The following NAALADL2 variants were observed in gnomAD, a reference collection of about 807,000 sequenced individuals.
NAALADL2 encodes the protein inactive N-acetylated-alpha-linked acidic dipeptidase-like protein 2.
NAALADL2 carries 76 observed loss-of-function variants against 87.2 expected under a neutral mutation model. The ratio of observed to expected loss-of-function variants is 0.87; its 90% CI spans 0.72 to 1.05. The LOEUF (loss-of-function observed/expected upper bound fraction) is 1.05, where lower values mean the gene tolerates loss of function less well. NAALADL2 is among the 50% of genes least tolerant of loss of function. NAALADL2 has a pLI of 0.00. For synonymous variants in NAALADL2, 354 were observed against 331.0 expected (o/e 1.07, Z -0.75); for missense variants, 1,089 against 945.8 (o/e 1.15, Z -1.99).
At chr3:174,536,329 A>G (rs186478379) in intron 1 of NAALADL2, among the ~76,000 whole-genome samples, 14 of 152,140 alleles carry the variant, frequency 9.2e-5, no homozygotes, top group Admixed American at 7.9e-4. Context: ...TTTTTCATAG[A>G]GATAACATTT....
intron 3 of NAALADL2, among the ~76,000 whole-genome samples, chr3:174,833,228 A>C (rs1375133871): frequency 6.6e-6 from 1 of 152,238 alleles, no homozygotes; most frequent in African/African-American, 2.4e-5. Flanking sequence ...AAAATGAGAA[A>C]TGTCAAGGTC....
At chr3:174,884,286 C>T (rs540083892) in intron 1 of NAALADL2, among the ~76,000 whole-genome samples, 35 of 152,208 alleles carry the variant, frequency 2.3e-4, no homozygotes, top group African/African-American at 4.8e-4. Context: ...ATATGTTGGA[C>T]GCTGATTCAG....
intron 9 of NAALADL2, among the ~76,000 whole-genome samples, chr3:175,570,192 G>C (rs187159005): frequency 1.3e-4 from 20 of 152,306 alleles, no homozygotes; most frequent in Admixed American, 4.6e-4. Flanking sequence ...AAGGCAGTCA[G>C]ACAGAAGGAG....
intron 1 of NAALADL2, among the ~76,000 whole-genome samples, chr3:175,018,843 A>G (rs1751197094): frequency 6.6e-6 from 1 of 151,936 alleles, no homozygotes; most frequent in Non-Finnish European, 1.5e-5. Flanking sequence ...ATCTATTGGT[A>G]TAGTTAGCTT....
At chr3:175,652,984 T>C (rs1345926022) in intron 11 of NAALADL2, among the ~76,000 whole-genome samples, 1 of 152,112 alleles carries the variant, frequency 6.6e-6, no homozygotes, top group Non-Finnish European at 1.5e-5. Flanking sequence ...ACACATATTT[T>C]GTATGTTATA....
chr3:174,875,529 C>T (rs1394458079), intron 1 of NAALADL2, among the ~76,000 whole-genome samples: 6 of 152,104 alleles, frequency 3.9e-5, no homozygotes, highest in Non-Finnish European at 7.4e-5. Flanking sequence ...AATCAGTAAT[C>T]TCAACAGCAT....
chr3:174,714,561 C>T (rs1365918430), intron 2 of NAALADL2, among the ~76,000 whole-genome samples: 1 of 152,102 alleles, frequency 6.6e-6, no homozygotes, highest in Non-Finnish European at 1.5e-5. Flanking sequence ...CTCTTTGAAG[C>T]AGTTGTGAAT....
chr3:175,508,253 A>G (rs1305834325), intron 9 of NAALADL2, among the ~76,000 whole-genome samples: 1 of 152,184 alleles, frequency 6.6e-6, no homozygotes, highest in Non-Finnish European at 1.5e-5. Context: ...AACAGTGGGG[A>G]TGATAATTCA....
intron 1 of NAALADL2, among the ~76,000 whole-genome samples, chr3:174,473,421 A>G (rs533808439): frequency 6.6e-6 from 1 of 152,280 alleles, no homozygotes; most frequent in East Asian, 1.9e-4. Context: ...TCTGGCTAAT[A>G]ATAGGAATCA....
At chr3:174,802,589 C>T (rs1171746542) in intron 3 of NAALADL2, among the ~76,000 whole-genome samples, 1 of 152,200 alleles carries the variant, frequency 6.6e-6, no homozygotes, top group Non-Finnish European at 1.5e-5. Flanking sequence ...ACCATCAATT[C>T]GTCATTGACG....
chr3:174,523,575 A>G (rs2108419489), intron 1 of NAALADL2: 1 of 152,302 alleles, frequency 6.6e-6, no homozygotes, highest in Non-Finnish European at 1.5e-5. Context: ...TTTAAATTTG[A>G]AAACAGAACC....
At chr3:175,434,799 C>G (rs530464211) in intron 5 of NAALADL2, among the ~76,000 whole-genome samples, 1 of 152,086 alleles carries the variant, frequency 6.6e-6, no homozygotes, top group African/African-American at 2.4e-5. Flanking sequence ...AAGCAGTTTA[C>G]TTAGCTTATA....
In NAALADL2 at chr3:175,250,067, G is replaced by A. The variant is rs569189777; in HGVS notation, c.820-6344G>A. 1.2e-4 allele frequency among the ~76,000 whole-genome samples: 18 copies of A among 152,032 alleles called. No homozygotes were observed. The South Asian group carries it at 3.7e-3, about 32-fold the overall frequency. On this transcript the variant is annotated intron_variant, in intron 3 of 13. Transcript: ENST00000454872. Reference sequence around the variant, plus strand: ...GCCTGTAATCCCAGCTACTCAGGAAGGCTGAGGCAGGAGAATCGCTTGAAC... The same window carrying A: ...GCCTGTAATCCCAGCTACTCAGGAAAGCTGAGGCAGGAGAATCGCTTGAAC...
chr3:174,522,953 A>G (rs867675458), intron 1 of NAALADL2, among the ~76,000 whole-genome samples: 10,736 of 148,730 alleles, frequency 0.072, 491 homozygotes, highest in South Asian at 0.12. Flanking sequence ...AAAAAAAAAA[A>G]AAAAGAAAAA....
chr3:174,867,606 A>G lies in NAALADL2; in HGVS notation c.43+8156A>G, dbSNP rs113547876. ...TTTTCTCAAGTTTAATATGCTCAGA[A>G]AAAAAGCATAAAATGCACAGTCTTA... is the stretch of plus-strand genomic sequence containing the variant. On this transcript the variant is annotated intron_variant, in intron 1 of 13. Transcript: ENST00000454872. Among the ~76,000 whole-genome samples the G allele has an allele frequency of 9.1e-3, 1,381 of 152,124 alleles. 19 individuals are homozygous for G. The highest frequency in any genetic ancestry group is 0.031 in the African/African-American group (1,304 of 41,538).
At chr3:175,239,643 T>A (rs767558169) in intron 3 of NAALADL2, among the ~76,000 whole-genome samples, 3 of 152,208 alleles carry the variant, frequency 2.0e-5, no homozygotes, top group Non-Finnish European at 4.4e-5. Context: ...TGCAGTTTTA[T>A]GGAGAAACTT....
intron 9 of NAALADL2, among the ~76,000 whole-genome samples, chr3:175,553,931 G>T (rs1714852841): frequency 6.6e-6 from 1 of 152,056 alleles, no homozygotes; most frequent in Admixed American, 6.6e-5. Context: ...GGAGTCAGGT[G>T]ATATACAGGG....
intron 3 of NAALADL2, among the ~76,000 whole-genome samples, chr3:174,746,302 C>G (rs74613021): frequency 1.3e-5 from 2 of 152,032 alleles, no homozygotes; most frequent in East Asian, 3.9e-4. Context: ...AAGCAAAGAG[C>G]CAAATCATGA....
chr3:175,661,492 C>G (rs1195829580), intron 11 of NAALADL2, among the ~76,000 whole-genome samples: 1 of 151,850 alleles, frequency 6.6e-6, no homozygotes, highest in East Asian at 1.9e-4. Flanking sequence ...CTTTGCTGTG[C>G]TGAAGCTTTT....
Sources: gnomAD v4.1 joint callset for allele counts (sites outside exome capture counted in the v4.1 genomes callset) on GRCh38, gnomAD v4.1.1 for gene constraint, MANE v1.5 for transcripts, NCBI Gene and HGNC (gene_info 2026-07-23, HGNC 2026-07-21) for gene names.